The following STK32A variants were observed in gnomAD, a reference collection of about 807,000 sequenced individuals.
STK32A encodes serine/threonine kinase 32A.
In STK32A, 41 loss-of-function variants were observed where a neutral mutation model predicts 53.2. That is an observed-to-expected ratio of 0.77 (90% CI 0.60 to 1.00). The LOEUF is 1.00. STK32A is among the 50% of genes least tolerant of loss of function. The pLI, the probability that STK32A is intolerant of heterozygous loss-of-function variation, is 0.00. For synonymous variants in STK32A, 166 were observed against 162.8 expected, an observed-to-expected ratio of 1.02 and a Z score of -0.15; for missense variants, 458 against 485.8, an observed-to-expected ratio of 0.94 and a Z score of 0.54.
intron 4 of STK32A, among the ~76,000 whole-genome samples, chr5:147,322,192 C>T (rs1240982452): frequency 3.3e-5 from 5 of 152,144 alleles, no homozygotes; most frequent in Middle Eastern, 3.2e-3. Context: ...GTCACTGCAT[C>T]GAGATGAAGA....
chr5:147,385,002 GTGTCACCTTTCACTAATGAA>G lies in STK32A; in HGVS notation c.*1020_*1039del, dbSNP rs1757595932. On this transcript the variant is annotated 3_prime_UTR_variant, in exon 13 of 13. Transcript: ENST00000397936. ...TCTTTTCTCAGTAAAGCCCAATACA[GTGTCACCTTTCACTAATGAA>G]ACAAGCCATTGCTTTTGTTTTGTTT... The G allele has an allele frequency of 6.6e-6, 1 of 152,234 alleles. No homozygotes were observed. Among genetic ancestry groups the G allele is most frequent in the Non-Finnish European group, 1.5e-5 (1 of 68,074 alleles). 9.4% of individuals were successfully genotyped at this position (152,234 alleles called of 1,614,324 possible).
intron 8 of STK32A, among the ~76,000 whole-genome samples, chr5:147,365,105 C>A (rs1234228317): frequency 6.6e-6 from 1 of 152,132 alleles, no homozygotes; most frequent in Admixed American, 6.6e-5. Flanking sequence ...CACAACACAC[C>A]ATCATGATTT....
In STK32A at chr5:147,349,851, C is replaced by T. The variant is rs6893280; in HGVS notation, c.473-1214C>T. Among the ~76,000 whole-genome samples, 618 of 152,170 alleles carry T rather than the reference C, an allele frequency of 4.1e-3. 4 individuals carry two copies. Among genetic ancestry groups the T allele is most frequent in the African/African-American group, 0.012 (512 of 41,522 alleles). On this transcript the variant is annotated intron_variant, in intron 6 of 12. Transcript: ENST00000397936. The stretch of plus-strand genomic sequence containing the variant: ...GACTGGCCGGGCGCAGTGGCTCACG[C>T]CTGTAATCCCAACACTTTCAGAGGC...
At chr5:147,241,629 A>G (rs59490055) in intron 2 of STK32A, among the ~76,000 whole-genome samples, 11,332 of 152,308 alleles carry the variant, frequency 0.074, 594 homozygotes, top group African/African-American at 0.15. Flanking sequence ...TATAGCTGGA[A>G]AGGGGTCTTA....
chr5:147,365,153 T>C lies in STK32A; in HGVS notation c.660+3539T>C, dbSNP rs865926428. Among the ~76,000 whole-genome samples, 7 of 152,168 alleles carry C rather than the reference T, an allele frequency of 4.6e-5. No individual in the cohort carries two copies. The South Asian group carries it at 1.4e-3, about 32-fold the overall frequency. ...TGCCATCTCCCAAGTAATTAACCTA[T>C]TCACAGTAAGAACAGTTGTTAGAAG... On this transcript the variant is annotated intron_variant, in intron 8 of 12. Transcript: ENST00000397936.
chr5:147,335,336 G>T (rs1400044320), intron 5 of STK32A, among the ~76,000 whole-genome samples: 2 of 152,150 alleles, frequency 1.3e-5, no homozygotes, highest in African/African-American at 2.4e-5. Context: ...AACAATAAAA[G>T]AGATTTATTA....
In STK32A at chr5:147,384,723, GCTAA is replaced by G. The variant is rs1757583773; in HGVS notation, c.*741_*744del. ...TTTTTTCCCTCCTAACAAGTGAATTGCTAAATATTAGCCCACCACTCCTTCCAAG... is the reference window on the plus strand; with the variant it reads ...TTTTTTCCCTCCTAACAAGTGAATTGATATTAGCCCACCACTCCTTCCAAG... On this transcript the variant is annotated 3_prime_UTR_variant, in exon 13 of 13. Transcript: ENST00000397936. 3.0e-6 allele frequency: 1 copy of G among 330,142 alleles called. No individual in the cohort carries two copies. Among genetic ancestry groups the G allele is most frequent in the South Asian group, 7.9e-5 (1 of 12,588 alleles). 20.5% of individuals were successfully genotyped at this position (330,142 alleles called of 1,614,324 possible).
chr5:147,290,695 T>C (rs1039629235), intron 4 of STK32A, among the ~76,000 whole-genome samples: 2 of 152,182 alleles, frequency 1.3e-5, no homozygotes, highest in African/African-American at 4.8e-5. Flanking sequence ...TGGAAAGAAC[T>C]ACCTGTACTG....
At chr5:147,391,970 C>T (rs1055178017), downstream of STK32A, 3 of 152,232 alleles carry the variant, frequency 2.0e-5, no homozygotes, top group African/African-American at 7.2e-5. Context: ...GACTCAGGGG[C>T]TGAGTAACAG....
intron 4 of STK32A, among the ~76,000 whole-genome samples, chr5:147,283,961 C>T (rs112151190): frequency 1.3e-5 from 2 of 152,130 alleles, no homozygotes; most frequent in African/African-American, 4.8e-5. Context: ...CATGAAAGAA[C>T]ATAACCTAAA....
intron 2 of STK32A, among the ~76,000 whole-genome samples, chr5:147,244,937 T>C (rs7721271): frequency 0.41 from 62,487 of 152,080 alleles, 12,970 homozygotes; most frequent in Admixed American, 0.45. Context: ...GTGAACTCTT[T>C]GAAGTACTTT....
intron 2 of STK32A, among the ~76,000 whole-genome samples, chr5:147,265,503 A>G (rs766869974): frequency 6.6e-6 from 1 of 152,350 alleles, no homozygotes; most frequent in Admixed American, 6.5e-5. Context: ...CCAAAGGTAC[A>G]TAGATTATAG....
intron 4 of STK32A, 44 bp from the exon 5 acceptor site, chr5:147,323,854 G>A (rs559071004): frequency 4.0e-6 from 6 of 1,518,806 alleles, no homozygotes; most frequent in South Asian, 3.6e-5. Context: ...ACTCTTTAAT[G>A]TGTAAATATA....
chr5:147,335,811 G>A (rs1460043053), intron 5 of STK32A, among the ~76,000 whole-genome samples: 6 of 152,130 alleles, frequency 3.9e-5, no homozygotes, highest in African/African-American at 1.4e-4. Flanking sequence ...GTGTGCGCGC[G>A]TGCATGCGTG....
At chr5:147,398,572 T>C in the STK32A span, among the ~76,000 whole-genome samples, 1 of 152,238 alleles carries the variant, frequency 6.6e-6, no homozygotes, top group Non-Finnish European at 1.5e-5. Flanking sequence ...TTCTGTTAGG[T>C]ACTGCACTTT....
At chr5:147,269,731 C>T (rs967064621) in intron 2 of STK32A, among the ~76,000 whole-genome samples, 1 of 152,100 alleles carries the variant, frequency 6.6e-6, no homozygotes, top group Admixed American at 6.5e-5. Flanking sequence ...TTGCTATCAA[C>T]TGGGGCTATA....
intron 4 of STK32A, among the ~76,000 whole-genome samples, chr5:147,296,460 T>C (rs930805555): frequency 6.6e-6 from 1 of 152,018 alleles, no homozygotes; most frequent in Non-Finnish European, 1.5e-5. Context: ...CTGCCGGCAC[T>C]TGGGAGAGGC....
intron 4 of STK32A, among the ~76,000 whole-genome samples, chr5:147,306,883 T>G (rs1359687025): frequency 6.6e-6 from 1 of 152,164 alleles, no homozygotes; most frequent in African/African-American, 2.4e-5. Context: ...TAACTATGCC[T>G]GACAATAGGC....
intron 4 of STK32A, among the ~76,000 whole-genome samples, chr5:147,299,688 A>G (rs1395922000): frequency 6.6e-6 from 1 of 152,226 alleles, no homozygotes; most frequent in Non-Finnish European, 1.5e-5. Flanking sequence ...ATCCGGGAGC[A>G]TAGATTCAAG....
Sources: gnomAD v4.1 joint callset for allele counts (sites outside exome capture counted in the v4.1 genomes callset) on GRCh38, gnomAD v4.1.1 for gene constraint, MANE v1.5 for transcripts, NCBI Gene and HGNC (gene_info 2026-07-23, HGNC 2026-07-21) for gene names.